Variants in SNX24 observed in about 807,000 individuals in gnomAD.
The protein encoded by SNX24 is sorting nexin 24.
A neutral mutation model predicts 28.7 loss-of-function variants in SNX24; 22 were observed. That is an observed-to-expected ratio of 0.77 (90% CI 0.55 to 1.10). SNX24 has a LOEUF of 1.10. Ranked by LOEUF, SNX24 falls within the 50% of genes least tolerant of loss-of-function variation. SNX24 has a pLI of 0.00. For synonymous variants in SNX24, 69 were observed against 71.5 expected (o/e 0.96, Z 0.18); for missense variants, 221 against 201.1 (o/e 1.10, Z -0.60).
chr5:122,954,635 G>T (rs1035190230), intron 3 of SNX24, among the ~76,000 whole-genome samples: 1 of 151,318 alleles, frequency 6.6e-6, no homozygotes, highest in African/African-American at 2.4e-5. Context: ...CTCTGTTTAC[G>T]CTAGATATAG....
At chr5:122,965,265 C>A (rs907769356) in intron 3 of SNX24, among the ~76,000 whole-genome samples, 2 of 152,138 alleles carry the variant, frequency 1.3e-5, no homozygotes, top group Non-Finnish European at 2.9e-5. Flanking sequence ...GTAACCTTGC[C>A]CTCTCACACA....
At chr5:122,875,410 G>T (rs553777474) in intron 1 of SNX24, among the ~76,000 whole-genome samples, 2 of 152,312 alleles carry the variant, frequency 1.3e-5, no homozygotes, top group South Asian at 2.1e-4. Context: ...CACTTTTAAA[G>T]AAATCTTCCT....
intron 3 of SNX24, among the ~76,000 whole-genome samples, chr5:122,985,435 A>G (rs1466414900): frequency 6.6e-6 from 1 of 152,194 alleles, no homozygotes; most frequent in East Asian, 1.9e-4. Flanking sequence ...GGCTTGGTTT[A>G]TTAGGAAGAA....
intron 1 of SNX24, among the ~76,000 whole-genome samples, chr5:122,884,690 G>T (rs1187636352): frequency 6.6e-6 from 1 of 152,176 alleles, no homozygotes; most frequent in Non-Finnish European, 1.5e-5. Flanking sequence ...GTGTCAGGTA[G>T]GGATTAGGAG....
chr5:122,951,931 G>C (rs759187493), intron 3 of SNX24, among the ~76,000 whole-genome samples: 1 of 152,228 alleles, frequency 6.6e-6, no homozygotes, highest in Non-Finnish European at 1.5e-5. Context: ...CACAGGTTGA[G>C]TGTTCCTCAT....
At chr5:122,933,929 C>T (rs780084197) in intron 1 of SNX24, among the ~76,000 whole-genome samples, 20 of 151,782 alleles carry the variant, frequency 1.3e-4, no homozygotes, top group Non-Finnish European at 2.2e-4. Context: ...ATTACAGGCA[C>T]GCACCACCAC....
At chr5:122,895,465 A>G (rs1390051159) in intron 1 of SNX24, among the ~76,000 whole-genome samples, 3 of 152,174 alleles carry the variant, frequency 2.0e-5, no homozygotes, top group Non-Finnish European at 2.9e-5. Context: ...TTTGTATCCC[A>G]CATCTTGGAC....
chr5:122,923,208 A>T (rs1274399615), intron 1 of SNX24, among the ~76,000 whole-genome samples: 1 of 151,994 alleles, frequency 6.6e-6, no homozygotes, highest in Non-Finnish European at 1.5e-5. Flanking sequence ...GCATGGTGGC[A>T]TGTGCCTGTA....
chr5:122,848,637 A>G (rs1754758034), intron 1 of SNX24, among the ~76,000 whole-genome samples: 2 of 151,984 alleles, frequency 1.3e-5, no homozygotes, highest in Admixed American at 1.3e-4. Flanking sequence ...TGAGCCCCGG[A>G]GGCGGAGGTT....
chr5:122,857,586 G>C (rs1195727177), intron 1 of SNX24, among the ~76,000 whole-genome samples: 1 of 151,928 alleles, frequency 6.6e-6, no homozygotes, highest in Non-Finnish European at 1.5e-5. Context: ...GTAGGCCCCA[G>C]TGTCTGTTGT....
At chr5:122,879,673 TTGTA>T (rs554807890) in intron 1 of SNX24, among the ~76,000 whole-genome samples, 51 of 151,492 alleles carry the variant, frequency 3.4e-4, no homozygotes, top group African/African-American at 1.2e-3. Context: ...TAATCAATTT[TTGTA>T]TGTATGTATG....
chr5:123,019,466 A>C (rs1043778710), intron 5 of SNX24, among the ~76,000 whole-genome samples: 2 of 152,214 alleles, frequency 1.3e-5, no homozygotes, highest in Non-Finnish European at 1.5e-5. Context: ...TAAACTAAGA[A>C]ATGAGGTTGG....
intron 3 of SNX24, among the ~76,000 whole-genome samples, chr5:122,960,918 A>G (rs1561660539): frequency 6.6e-6 from 1 of 152,196 alleles, no homozygotes; most frequent in East Asian, 1.9e-4. Context: ...TAGAATTATT[A>G]TTGTTTTTAA....
chr5:123,022,101 T>TC, intron 5 of SNX24, among the ~76,000 whole-genome samples: 1 of 152,000 alleles, frequency 6.6e-6, no homozygotes. Flanking sequence ...TTCTCTGTCT[T>TC]CCCCCACTAG....
intron 6 of SNX24, among the ~76,000 whole-genome samples, chr5:123,002,317 G>C (rs1045121720): frequency 2.6e-5 from 4 of 152,070 alleles, no homozygotes; most frequent in African/African-American, 7.2e-5. Context: ...AGATGCCAAG[G>C]TTCAAATTCA....
In SNX24 at chr5:122,907,890, A is replaced by AT. The variant is rs76184277; in HGVS notation, c.61-28829dup. Among the ~76,000 whole-genome samples the AT allele has an allele frequency of 7.4e-3, 1,081 of 145,372 alleles. 9 individuals carry two copies. The highest frequency in any genetic ancestry group is 0.019 in the African/African-American group (752 of 39,628). ...GGCAGTTATAGCTCACTGAATGGTA[A>AT]TTTTTTTTTTTTTTTAATTTTCTTT... On this transcript the variant is annotated intron_variant, in intron 1 of 6. Coordinates refer to ENST00000261369, the MANE Select transcript of SNX24 (RefSeq NM_014035.4).
chr5:122,950,199 G>A (rs30021), intron 3 of SNX24, among the ~76,000 whole-genome samples: 117,046 of 152,118 alleles, frequency 0.77, 45,907 homozygotes, highest in East Asian at 0.99. Flanking sequence ...AGAGTTTTCT[G>A]TTAAACTTTT....
At chr5:122,863,455 G>A (rs2150044565) in intron 1 of SNX24, among the ~76,000 whole-genome samples, 1 of 151,982 alleles carries the variant, frequency 6.6e-6, no homozygotes, top group East Asian at 1.9e-4. Context: ...AATAATGGGA[G>A]ATGGAATGGT....
chr5:122,947,496 G>A (rs915384258), intron 3 of SNX24, among the ~76,000 whole-genome samples: 3 of 152,150 alleles, frequency 2.0e-5, no homozygotes, highest in African/African-American at 7.2e-5. Context: ...ATCTGAGGCA[G>A]GCTCTCTTTA....
Sources: gnomAD v4.1 joint callset for allele counts (sites outside exome capture counted in the v4.1 genomes callset) on GRCh38, gnomAD v4.1.1 for gene constraint, MANE v1.5 for transcripts, NCBI Gene and HGNC (gene_info 2026-07-23, HGNC 2026-07-21) for gene names.